LPP: variants seen among roughly 807,000 people sequenced by gnomAD.
LPP encodes lipoma-preferred partner.
Under a neutral mutation model 60.4 loss-of-function variants are expected in LPP, and 38 were observed. The ratio of observed to expected loss-of-function variants is 0.63; its 90% CI spans 0.49 to 0.83. LPP has a LOEUF of 0.83. LPP is among the 40% of genes least tolerant of loss of function. The probability of loss-of-function intolerance (pLI) is 0.00; values close to 1 mark genes in which losing one functional copy is unlikely to be tolerated. For synonymous variants in LPP, 328 were observed against 290.8 expected (o/e 1.13, Z -1.30); for missense variants, 902 against 783.6 (o/e 1.15, Z -1.80).
chr3:188,429,497 A>G (rs1178178311), intron 4 of LPP, among the ~76,000 whole-genome samples: 1 of 152,188 alleles, frequency 6.6e-6, no homozygotes, highest in African/African-American at 2.4e-5. Flanking sequence ...CTATATGGTG[A>G]AAGTGAGCAT....
At chr3:188,553,905 T>C (rs1211468295) in intron 6 of LPP, 1 of 152,178 alleles carries the variant, frequency 6.6e-6, no homozygotes. Flanking sequence ...ACAGATAGAA[T>C]TGAGGTGCCC....
At chr3:188,805,454 T>C (rs1748813783) in intron 9 of LPP, among the ~76,000 whole-genome samples, 2 of 148,312 alleles carry the variant, frequency 1.3e-5, no homozygotes, top group African/African-American at 5.0e-5. Context: ...TCCCTCTCAT[T>C]CATGATATTT....
intron 2 of LPP, among the ~76,000 whole-genome samples, chr3:188,315,975 T>C (rs1487117243): frequency 6.6e-6 from 1 of 152,198 alleles, no homozygotes; most frequent in African/African-American, 2.4e-5. Context: ...TAAAAATGTC[T>C]TTCTAAAGAT....
intron 8 of LPP, among the ~76,000 whole-genome samples, chr3:188,740,951 C>A (rs1425649792): frequency 6.6e-6 from 1 of 151,778 alleles, no homozygotes. Flanking sequence ...AGCAAATAAG[C>A]AAATTTGAGG....
chr3:188,325,444 A>T (rs9870824), intron 2 of LPP, among the ~76,000 whole-genome samples: 41,799 of 151,924 alleles, frequency 0.28, 6,614 homozygotes, highest in East Asian at 0.65. Flanking sequence ...TCAAATGTTA[A>T]AGCCTTACCT....
rs754782287 is a variant in LPP, at chr3:188,609,385, G to T, written c.654G>T (p.Arg218Ser). The T allele has an allele frequency of 6.2e-7, 1 of 1,614,032 alleles. No homozygotes were observed. Among genetic ancestry groups the T allele is most frequent in the South Asian group, 1.1e-5 (1 of 91,076 alleles). ...ACACCACGGCCTCCACTTCTTCAAG[G>T]CCTACCTTTAATGTGCAGGTGAAGT... is the stretch of plus-strand genomic sequence containing the variant. ...ASYTTASTSS[R>S]PTFNVQVKSA... is the part of the protein sequence containing the mutation. Residue 218 changes from arginine (R) to serine (S), a missense_variant, in exon 7 of 12, where the codon AGG becomes AGT. By Grantham distance (110) the Arg-to-Ser change is moderately radical (BLOSUM62 -1). Coordinates refer to ENST00000617246, the MANE Select transcript of LPP (RefSeq NM_001375462.1). This position sits in a 1 kb window ranked among gnomAD's most constrained non-coding sequence, Gnocchi z 6.9.
rs1218867242 is a variant in LPP at position 188,610,592 on chromosome 3, TG to T, written c.1113+749del. Among the ~76,000 whole-genome samples, 1 of 152,240 alleles carries T rather than the reference TG, an allele frequency of 6.6e-6. No individual in the cohort carries two copies. Among genetic ancestry groups the T allele is most frequent in the African/African-American group, 2.4e-5 (1 of 41,458 alleles). ...TTAAGCAATGTTTAAAAACTCCTTA[TG>T]AGTGACAGTTACTTCTTATTTGATT... On this transcript the variant is annotated intron_variant, in intron 7 of 11. Coordinates refer to ENST00000617246, the MANE Select transcript of LPP (RefSeq NM_001375462.1). The surrounding 1 kb of genome is among the most constrained non-coding windows in gnomAD (Gnocchi z 4.4).
chr3:188,705,409 G>A (rs753081996), intron 7 of LPP, among the ~76,000 whole-genome samples: 6 of 151,960 alleles, frequency 3.9e-5, no homozygotes, highest in Non-Finnish European at 8.8e-5. Context: ...GTTAGTCCTT[G>A]TTCCTCCTCT....
At chr3:188,568,013 C>T (rs1189244660) in intron 6 of LPP, 2 of 151,940 alleles carry the variant, frequency 1.3e-5, no homozygotes, top group African/African-American at 4.8e-5. Context: ...CCTATTTGCA[C>T]GATCTCGGGT....
At chr3:188,757,107 G>A (rs192173051) in intron 8 of LPP, among the ~76,000 whole-genome samples, 1 of 152,236 alleles carries the variant, frequency 6.6e-6, no homozygotes, top group East Asian at 1.9e-4. Flanking sequence ...AACCTTTCCT[G>A]AGCCCCTGTG....
intron 6 of LPP, among the ~76,000 whole-genome samples, chr3:188,545,556 G>A (rs948544324): frequency 6.6e-6 from 1 of 152,046 alleles, no homozygotes; most frequent in Admixed American, 6.6e-5. Context: ...TCTGTGAAAT[G>A]AGCCCATGTG....
chr3:188,386,264 G>GCACACA (rs1277848531), intron 3 of LPP, among the ~76,000 whole-genome samples: 69 of 99,330 alleles, frequency 6.9e-4, no homozygotes, highest in South Asian at 5.0e-3. Flanking sequence ...TAGCATGCGC[G>GCACACA]CACACACACA....
At chr3:188,227,898 A>C (rs1489870433) in intron 2 of LPP, among the ~76,000 whole-genome samples, 1 of 152,244 alleles carries the variant, frequency 6.6e-6, no homozygotes, top group Non-Finnish European at 1.5e-5. Context: ...TATTCTCCTG[A>C]AACTGAATTT....
At chr3:188,385,014 G>A (rs115150249) in intron 3 of LPP, among the ~76,000 whole-genome samples, 1,519 of 151,232 alleles carry the variant, frequency 0.01, 30 homozygotes, top group African/African-American at 0.035. Context: ...GCCTCTCCTT[G>A]GGATGTTCAC....
At chr3:188,457,739 A>AAAAAAAAT (rs1553903685) in intron 4 of LPP, among the ~76,000 whole-genome samples, 133 of 140,076 alleles carry the variant, frequency 9.5e-4, no homozygotes, top group Middle Eastern at 3.6e-3. Flanking sequence ...AAAAAAAAAA[A>AAAAAAAAT]ATATATATAT....
chr3:188,753,798 T>C (rs551568794), intron 8 of LPP, among the ~76,000 whole-genome samples: 1 of 152,092 alleles, frequency 6.6e-6, no homozygotes, highest in Admixed American at 6.5e-5. Context: ...TGTATATGTA[T>C]TTGTAGAGGG....
chr3:188,565,309 A>C (rs1411133869), intron 6 of LPP, among the ~76,000 whole-genome samples: 2 of 151,940 alleles, frequency 1.3e-5, no homozygotes, highest in African/African-American at 4.8e-5. Context: ...GAAATTTATA[A>C]AGTCAAGGCA....
In LPP at chr3:188,376,969, T is replaced by C. The variant is rs538400826; in HGVS notation, c.-9-29143T>C. ...TTATTTCTCCTTCACTTATGAAGCT[T>C]AGTTTGGCTGGATATGAAATTCTGG... is the stretch of plus-strand genomic sequence containing the variant. On this transcript the variant is annotated intron_variant, in intron 3 of 11. Transcript: ENST00000617246. Among the ~76,000 whole-genome samples the C allele has an allele frequency of 9.8e-5, 15 of 152,298 alleles. 3 individuals are homozygous for C. The highest frequency in any genetic ancestry group is 8.3e-4 in the South Asian group (4 of 4,818).
intron 7 of LPP, among the ~76,000 whole-genome samples, chr3:188,675,546 T>TA: frequency 6.6e-6 from 1 of 152,218 alleles, no homozygotes; most frequent in Non-Finnish European, 1.5e-5. Context: ...GGGGTGTTGG[T>TA]AGTAATCTGT....
Sources: allele counts gnomAD v4.1 joint callset (sites outside exome capture counted in the v4.1 genomes callset), GRCh38; gene constraint gnomAD v4.1.1; non-coding constraint Gnocchi (gnomAD v3.1); transcripts MANE v1.5; gene names NCBI Gene and HGNC (gene_info 2026-07-23, HGNC 2026-07-21).